DLEU7: variants seen among roughly 807,000 people sequenced by gnomAD.
DLEU7 encodes leukemia-associated protein 7.
In DLEU7, 17 loss-of-function variants were observed where a neutral mutation model predicts 16.0. The observed-to-expected ratio is 1.06, with a 90% confidence interval of 0.73 to 1.59. The LOEUF is 1.59. DLEU7 is among the 40% of genes most tolerant of loss of function. The pLI is 0.00. For missense variants in DLEU7, 308 were observed against 314.9 expected (o/e 0.98, Z 0.17); for synonymous variants, 113 against 139.8 (o/e 0.81, Z 1.35).
intron 1 of DLEU7, among the ~76,000 whole-genome samples, chr13:50,829,269 A>G (rs904379962): frequency 2.0e-5 from 3 of 152,172 alleles, no homozygotes; most frequent in Admixed American, 2.0e-4. Flanking sequence ...AGTAGGAGAG[A>G]AAAATCACTC....
intron 1 of DLEU7, among the ~76,000 whole-genome samples, chr13:50,793,919 C>A (rs1246238543): frequency 6.6e-6 from 1 of 152,158 alleles, no homozygotes; most frequent in East Asian, 1.9e-4. Flanking sequence ...GTTATAAATT[C>A]TTTGCCAAGG....
intron 1 of DLEU7, among the ~76,000 whole-genome samples, chr13:50,747,887 A>G (rs1434888508): frequency 2.0e-5 from 3 of 152,116 alleles, no homozygotes. Flanking sequence ...ATGGCTTCCA[A>G]TTTTTTTGCA....
In DLEU7 at chr13:50,843,332, C is replaced by T; in HGVS notation, c.315G>A (p.Arg105=). 1 of 1,486,050 alleles carries T rather than the reference C, an allele frequency of 6.7e-7. No homozygotes were observed. The highest frequency in any genetic ancestry group is 8.9e-7 in the Non-Finnish European group (1 of 1,119,192). The allele number at this position is 1,486,050 out of a possible 1,614,324, so 92.1% of individuals were successfully genotyped here. A position where few individuals can be genotyped will look rare whatever the true frequency, so the allele number is the denominator to read the frequency against. Reference sequence around the variant, plus strand: ...GGGCCAGGGTGCAGGGCCCGCGGTCCCGGGGGAAGGGCAGCAACTCGGCGC... The same window carrying T: ...GGGCCAGGGTGCAGGGCCCGCGGTCTCGGGGGAAGGGCAGCAACTCGGCGC... ...EGGAELLPFP[R]DRGPCTLAQM... is the part of the protein sequence containing the mutation. Residue 105 remains arginine, a synonymous_variant, in exon 1 of 2, where the codon CGG becomes CGA. Transcript: ENST00000504404. The surrounding 1 kb of genome is among the most constrained non-coding windows in gnomAD (Gnocchi z 5.7).
chr13:50,827,186 G>A (rs1877114070), intron 1 of DLEU7, among the ~76,000 whole-genome samples: 1 of 152,188 alleles, frequency 6.6e-6, no homozygotes. Context: ...TCATTTTGGA[G>A]CAAGATGTTT....
chr13:50,830,778 G>A (rs2137808645), intron 1 of DLEU7, among the ~76,000 whole-genome samples: 1 of 152,166 alleles, frequency 6.6e-6, no homozygotes, highest in Non-Finnish European at 1.5e-5. Context: ...CATGGCACAG[G>A]GACTTTGCAG....
intron 1 of DLEU7, among the ~76,000 whole-genome samples, chr13:50,765,130 A>G (rs1057052944): frequency 6.6e-6 from 1 of 152,140 alleles, no homozygotes; most frequent in Non-Finnish European, 1.5e-5. Flanking sequence ...TGATCCACCT[A>G]TCTCAGCCTC....
chr13:50,814,282 G>A (rs1037587897), intron 1 of DLEU7, among the ~76,000 whole-genome samples: 23 of 151,966 alleles, frequency 1.5e-4, no homozygotes, highest in Admixed American at 1.3e-3. Flanking sequence ...AAAATGCTGA[G>A]CAACCCAGAC....
At chr13:50,795,444 TG>T (rs1043708816) in intron 1 of DLEU7, among the ~76,000 whole-genome samples, 2 of 152,196 alleles carry the variant, frequency 1.3e-5, no homozygotes, top group African/African-American at 4.8e-5. Flanking sequence ...CCCCTGACCT[TG>T]GTTCTCTTCA....
chr13:50,711,901 G>A (rs1236097177), exon 2 of DLEU7: 2 of 147,956 alleles, frequency 1.4e-5, no homozygotes, highest in Non-Finnish European at 3.0e-5. Flanking sequence ...TTTTTTTTCT[G>A]CGTAAGAAAA....
At chr13:50,729,485 A>G (rs975658955) in intron 1 of DLEU7, among the ~76,000 whole-genome samples, 4 of 152,296 alleles carry the variant, frequency 2.6e-5, no homozygotes, top group Admixed American at 6.5e-5. Context: ...CAGTGCCACA[A>G]TGATCATTTG....
intron 1 of DLEU7, among the ~76,000 whole-genome samples, chr13:50,817,345 A>G (rs1046108966): frequency 6.6e-6 from 1 of 152,168 alleles, no homozygotes; most frequent in Non-Finnish European, 1.5e-5. Flanking sequence ...AAAGCAGTAA[A>G]CATGTCACAT....
At position 50,726,639 on chromosome 13, in the gene DLEU7, T is replaced by G. The variant is rs1315380498; in HGVS notation, c.460-13399A>C. On this transcript the variant is annotated intron_variant, in intron 1 of 1. Coordinates refer to the DLEU7 transcript ENST00000400393. This position sits in a 1 kb window ranked among gnomAD's most constrained non-coding sequence, Gnocchi z 4.0. ...AAATTTGTGGATCGCATGGGAGGTCTTTTCATGTGTGTCATCGTTCTAAGA... is the reference window on the plus strand; with the variant it reads ...AAATTTGTGGATCGCATGGGAGGTCGTTTCATGTGTGTCATCGTTCTAAGA... Among the ~76,000 whole-genome samples the G allele has an allele frequency of 6.6e-6, 1 of 152,182 alleles. No individual in the cohort carries two copies. The highest frequency in any genetic ancestry group is 2.4e-5 in the African/African-American group (1 of 41,444).
chr13:50,817,116 T>TC lies in DLEU7; in HGVS notation c.459+26071_459+26072insG, dbSNP rs1319014221. ...TGCTCCATAGGCATTTTGTAATGGT[T>TC]TTTTTTAAGGAAAAAGAAAATAAAG... is the stretch of plus-strand genomic sequence containing the variant. On this transcript the variant is annotated intron_variant, in intron 1 of 1. Coordinates refer to the DLEU7 transcript ENST00000400393. Among the ~76,000 whole-genome samples, 27 of 152,100 alleles carry TC rather than the reference T, an allele frequency of 1.8e-4. 1 individual carries two copies. Among genetic ancestry groups the TC allele is most frequent in the African/African-American group, 6.3e-4 (26 of 41,412 alleles).
chr13:50,809,214 G>C (rs1274662173), intron 1 of DLEU7, among the ~76,000 whole-genome samples: 1 of 152,066 alleles, frequency 6.6e-6, no homozygotes. Context: ...TATTTAGAAA[G>C]TAAAACCGAA....
chr13:50,810,640 C>A (rs1429908543), intron 1 of DLEU7, among the ~76,000 whole-genome samples: 1 of 152,010 alleles, frequency 6.6e-6, no homozygotes, highest in East Asian at 1.9e-4. Flanking sequence ...ATGTCTTGTG[C>A]CAAGGGCTGT....
intron 1 of DLEU7, among the ~76,000 whole-genome samples, chr13:50,824,454 A>G (rs1384137917): frequency 1.3e-5 from 2 of 152,202 alleles, no homozygotes; most frequent in Non-Finnish European, 2.9e-5. Context: ...AAAACTCTAA[A>G]TAAAAATAGG....
chr13:50,783,742 T>C (rs1875720847), intron 1 of DLEU7, among the ~76,000 whole-genome samples: 2 of 152,238 alleles, frequency 1.3e-5, no homozygotes, highest in African/African-American at 2.4e-5. Context: ...CACAAAGTGC[T>C]GGAGACGTAC....
exon 2 of DLEU7, chr13:50,713,166 T>G: frequency 6.3e-7 from 1 of 1,599,302 alleles, no homozygotes; most frequent in Non-Finnish European, 8.5e-7. Context: ...TGGCACTGGT[T>G]ATTGAAATAT....
chr13:50,713,669 A>G (rs746361726), intron 1 of DLEU7, among the ~76,000 whole-genome samples: 6 of 152,212 alleles, frequency 3.9e-5, no homozygotes, highest in Middle Eastern at 3.2e-3. Context: ...CAGCAACAGC[A>G]TCATGGACGT....
Sources: allele counts gnomAD v4.1 joint callset (sites outside exome capture counted in the v4.1 genomes callset), GRCh38; gene constraint gnomAD v4.1.1; non-coding constraint Gnocchi (gnomAD v3.1); transcripts MANE v1.5; gene names NCBI Gene and HGNC (gene_info 2026-07-23, HGNC 2026-07-21).